The following OTULIN variants were observed in gnomAD, a reference collection of about 807,000 sequenced individuals.
OTULIN encodes ubiquitin thioesterase otulin.
Under a neutral mutation model 39.6 loss-of-function variants are expected in OTULIN, and 15 were observed. The observed-to-expected ratio is 0.38, with a 90% CI of 0.25 to 0.58. OTULIN has a LOEUF of 0.58. OTULIN is among the 20% of genes least tolerant of loss of function. OTULIN has a pLI of 0.66. For synonymous variants in OTULIN, 156 were observed against 170.3 expected (o/e 0.92, Z 0.65); for missense variants, 319 against 445.9 (o/e 0.72, Z 2.56).
At chr5:14,702,177 G>A (rs1736809910), downstream of OTULIN, among the ~76,000 whole-genome samples, 2 of 152,168 alleles carry the variant, frequency 1.3e-5, no homozygotes, top group Non-Finnish European at 2.9e-5. Context: ...GAGAGGAGTG[G>A]GACATGGAGT....
chr5:14,714,457 G>A, the OTULIN span, among the ~76,000 whole-genome samples: 1 of 152,154 alleles, frequency 6.6e-6, no homozygotes, highest in African/African-American at 2.4e-5. Flanking sequence ...TGAAGAGAGG[G>A]CCTGTTAACC....
At chr5:14,666,337 GT>G (rs1209504723) in intron 1 of OTULIN, among the ~76,000 whole-genome samples, 3 of 152,202 alleles carry the variant, frequency 2.0e-5, no homozygotes, top group Non-Finnish European at 4.4e-5. Context: ...TTCTTGAAGA[GT>G]TTTTGTGGCA....
At chr5:14,706,132 A>G in the OTULIN span, 1 of 152,216 alleles carries the variant, frequency 6.6e-6, no homozygotes. Flanking sequence ...TTTTGTTTAC[A>G]TATACATATT....
chr5:14,686,476 C>CT (rs879921274), intron 4 of OTULIN, among the ~76,000 whole-genome samples: 114 of 146,326 alleles, frequency 7.8e-4, no homozygotes, highest in African/African-American at 1.1e-3. Flanking sequence ...AATTTTTAAA[C>CT]TTTTTTTTTT....
At chr5:14,682,391 C>T (rs916027836) in intron 4 of OTULIN, among the ~76,000 whole-genome samples, 2 of 152,110 alleles carry the variant, frequency 1.3e-5, no homozygotes, top group African/African-American at 2.4e-5. Flanking sequence ...CAGTTAGCAG[C>T]CATCAACATC....
At position 14,697,378 on chromosome 5, in the gene OTULIN, T is replaced by C. The variant is rs942747529; in HGVS notation, c.*4330T>C. 1 of 152,208 alleles carries C rather than the reference T, an allele frequency of 6.6e-6. No individual in the cohort carries two copies. The highest frequency in any genetic ancestry group is 1.5e-5 in the Non-Finnish European group (1 of 68,060). 9.4% of individuals were successfully genotyped at this position (152,208 alleles called of 1,614,324 possible). A position where few individuals can be genotyped will look rare whatever the true frequency, so the allele number is the denominator to read the frequency against. ...TTTTAGTAGAGATGGGGTTTTACCA[T>C]GTTGGCCAGGCTGGTCTCGAGCTCC... On this transcript the variant is annotated 3_prime_UTR_variant, in exon 7 of 7. Coordinates refer to ENST00000284274, the MANE Select transcript of OTULIN (RefSeq NM_138348.6).
At chr5:14,715,071 A>G in the OTULIN span, among the ~76,000 whole-genome samples, 627 of 152,360 alleles carry the variant, frequency 4.1e-3, 6 homozygotes, top group African/African-American at 0.014. Context: ...TGACGCCGCA[A>G]GGCCTTAGAG....
At chr5:14,687,287 G>A (rs1330316351) in intron 4 of OTULIN, among the ~76,000 whole-genome samples, 3 of 152,144 alleles carry the variant, frequency 2.0e-5, no homozygotes. Flanking sequence ...ATTGTGCTTT[G>A]GCTCAACCAA....
rs1208529166 is a variant in OTULIN at position 14,693,025 on chromosome 5, G to A, written c.1036G>A (p.Val346Met). ...TCGGCACTATAACATCCCCGTCAGAGTGTGTGAGGAGACCAGTCTATGAGA... is the reference window on the plus strand; with the variant it reads ...TCGGCACTATAACATCCCCGTCAGAATGTGTGAGGAGACCAGTCTATGAGA... ...DDRHYNIPVR[V>M]CEETSL Residue 346 changes from valine to methionine, a missense_variant, in exon 7 of 7, where the codon GTG becomes ATG. Val to Met is a conservative substitution (Grantham distance 21). Coordinates refer to ENST00000284274, the MANE Select transcript of OTULIN (RefSeq NM_138348.6). 17 of 1,613,424 alleles carry A rather than the reference G, an allele frequency of 1.1e-5. No homozygotes were observed. In the Admixed American group the frequency reaches 2.3e-4, roughly 22 times the overall value.
chr5:14,695,051 T>C lies in OTULIN; in HGVS notation c.*2003T>C, dbSNP rs887275991. ...AGAATACTCATGTTAATAATAGTCA[T>C]CTATCCTTGCATTTTGAAACTGTTC... On this transcript the variant is annotated 3_prime_UTR_variant, in exon 7 of 7. Transcript: ENST00000284274. 1 of 152,216 alleles carries C rather than the reference T, an allele frequency of 6.6e-6. No homozygotes were observed. Among genetic ancestry groups the C allele is most frequent in the Non-Finnish European group, 1.5e-5 (1 of 68,032 alleles). 9.4% of individuals were successfully genotyped at this position (152,216 alleles called of 1,614,324 possible). A position where few individuals can be genotyped will look rare whatever the true frequency, so the allele number is the denominator to read the frequency against.
chr5:14,716,240 G>A, the OTULIN span, among the ~76,000 whole-genome samples: 4 of 152,098 alleles, frequency 2.6e-5, no homozygotes, highest in Non-Finnish European at 5.9e-5. Context: ...AGTGGCTCAC[G>A]CCTGTAATCC....
At chr5:14,687,668 G>A in intron 5 of OTULIN, 22 bp downstream of exon 5, 1 of 1,592,130 alleles carries the variant, frequency 6.3e-7, no homozygotes, top group Non-Finnish European at 8.5e-7. Context: ...GTAGTGTCCT[G>A]TCTGATAAGG....
chr5:14,707,351 C>G, the OTULIN span: 1 of 151,924 alleles, frequency 6.6e-6, no homozygotes, highest in Non-Finnish European at 1.5e-5. Flanking sequence ...TCCTAGAAAC[C>G]AAGGATATAG....
chr5:14,712,449 G>T, the OTULIN span, among the ~76,000 whole-genome samples: 1 of 152,242 alleles, frequency 6.6e-6, no homozygotes, highest in Non-Finnish European at 1.5e-5. Flanking sequence ...CTCCGCCCAT[G>T]ACCAGAGAGG....
chr5:14,670,794 C>T (rs1227859518), intron 1 of OTULIN, among the ~76,000 whole-genome samples: 6 of 146,746 alleles, frequency 4.1e-5, no homozygotes, highest in Admixed American at 2.1e-4. Context: ...TTTGTAGAGG[C>T]GGGGTCTTGC....
At chr5:14,677,223 A>G (rs1736125505) in intron 2 of OTULIN, among the ~76,000 whole-genome samples, 1 of 152,118 alleles carries the variant, frequency 6.6e-6, no homozygotes, top group African/African-American at 2.4e-5. Flanking sequence ...ACCCTGGTTT[A>G]TAAGTGCTTG....
the OTULIN span, chr5:14,705,057 G>T: frequency 6.6e-6 from 1 of 152,132 alleles, no homozygotes; most frequent in East Asian, 1.9e-4. Flanking sequence ...ACGGGGTTTT[G>T]CTCTGTTGCT....
Position 14,693,178 on chromosome 5 carries a change from T to G in OTULIN, c.*130T>G, listed in dbSNP as rs2126342271. 1 of 773,262 alleles carries G rather than the reference T, an allele frequency of 1.3e-6. No homozygotes were observed. The highest frequency in any genetic ancestry group is 2.7e-5 in the East Asian group (1 of 36,854). The allele number at this position is 773,262 out of a possible 1,614,324, so 47.9% of individuals were successfully genotyped here. On this transcript the variant is annotated 3_prime_UTR_variant, in exon 7 of 7. Coordinates refer to ENST00000284274, the MANE Select transcript of OTULIN (RefSeq NM_138348.6). ...ACCCTTGGGCCCCTGGGAGCCAAGT[T>G]GGACAGGATGTCCTGAAGACTAGCT...
At chr5:14,665,069 G>GC in intron 1 of OTULIN, 92 bp downstream of exon 1, 1 of 748,988 alleles carries the variant, frequency 1.3e-6, no homozygotes, top group Non-Finnish European at 1.5e-6. Context: ...TCAGCGGAGG[G>GC]TCCTGGGCGT....
Sources: allele counts gnomAD v4.1 joint callset (sites outside exome capture counted in the v4.1 genomes callset), GRCh38; gene constraint gnomAD v4.1.1; transcripts MANE v1.5; gene names NCBI Gene and HGNC (gene_info 2026-07-23, HGNC 2026-07-21).